The following ACSS1 variants were observed in gnomAD, a reference collection of about 807,000 sequenced individuals.
The protein encoded by ACSS1 is acyl-CoA synthetase short chain family member 1, also known as acetyl-coenzyme A synthetase 2-like, mitochondrial.
Under a neutral mutation model 75.3 loss-of-function variants are expected in ACSS1, and 42 were observed. That is an observed-to-expected ratio of 0.56 (90% CI 0.44 to 0.72). ACSS1 has a LOEUF of 0.72. Among genes scored for constraint, ACSS1 ranks in the 30% least tolerant of loss-of-function variants. The probability of loss-of-function intolerance (pLI) is 0.00; values close to 1 mark genes in which losing one functional copy is unlikely to be tolerated. For synonymous variants in ACSS1, 380 were observed against 376.8 expected, an observed-to-expected ratio of 1.01 and a Z score of -0.10; for missense variants, 782 against 935.7, an observed-to-expected ratio of 0.84 and a Z score of 2.14.
At chr20:25,025,598 C>T (rs1265265347) in intron 3 of ACSS1, among the ~76,000 whole-genome samples, 2 of 152,182 alleles carry the variant, frequency 1.3e-5, no homozygotes, top group East Asian at 1.9e-4. Flanking sequence ...GGGCTGGCTC[C>T]TATGTGGTGG....
At chr20:25,032,694 C>A in intron 2 of ACSS1, 1 of 1,184,184 alleles carries the variant, frequency 8.4e-7, no homozygotes, top group Non-Finnish European at 1.0e-6. Flanking sequence ...AAAGGGTAGT[C>A]AAGGAAAGGG....
intron 7 of ACSS1, among the ~76,000 whole-genome samples, chr20:25,018,509 C>T (rs1399333108): frequency 6.6e-6 from 1 of 152,134 alleles, no homozygotes; most frequent in Non-Finnish European, 1.5e-5. Context: ...GGGCACAGAG[C>T]CCATCAATCA....
chr20:25,007,701 T>C lies in ACSS1; in HGVS notation c.*61A>G, dbSNP rs886696206. 3.2e-6 allele frequency: 5 copies of C among 1,585,654 alleles called. No homozygotes were observed. The African/African-American group carries it at 6.7e-5, about 21-fold the overall frequency. On this transcript the variant is annotated 3_prime_UTR_variant, in exon 14 of 14. Coordinates refer to ENST00000323482, the MANE Select transcript of ACSS1 (RefSeq NM_032501.4). ...AGACGCCAACCTCAGGGGTACCTTC[T>C]GGGAAGGACAAGCCAGGGCTTGGGT...
Position 25,031,924 on chromosome 20 carries a change from A to G in ACSS1, c.432-966T>C, listed in dbSNP as rs557456443. ...TCGAGGGGCACCAAATAATGCTCTC[A>G]GGGAGCAGACCCCCAAGCCCAGATA... On this transcript the variant is annotated intron_variant, in intron 2 of 13. Transcript: ENST00000323482. 4.6e-5 allele frequency among the ~76,000 whole-genome samples: 7 copies of G among 152,366 alleles called. No individual in the cohort carries two copies. In the East Asian group the frequency reaches 1.4e-3, roughly 29 times the overall value.
Position 25,006,551 on chromosome 20 carries a change from T to C in ACSS1, c.*1211A>G, listed in dbSNP as rs1600299839. The stretch of plus-strand genomic sequence containing the variant: ...CCAGACACCCCCCGAACACTGGCAC[T>C]GCCACAAGGCCCTGAAGGGTAGACT... On this transcript the variant is annotated 3_prime_UTR_variant, in exon 14 of 14. Coordinates refer to ENST00000323482, the MANE Select transcript of ACSS1 (RefSeq NM_032501.4). The C allele has an allele frequency of 3.1e-6, 1 of 325,326 alleles. No individual in the cohort carries two copies. The highest frequency in any genetic ancestry group is 6.1e-5 in the East Asian group (1 of 16,362). The allele number at this position is 325,326 out of a possible 1,614,324, so 20.2% of individuals were successfully genotyped here. A position where few individuals can be genotyped will look rare whatever the true frequency, so the allele number is the denominator to read the frequency against.
chr20:25,030,704 G>C, intron 3 of ACSS1, 55 bp downstream of exon 3: 1 of 1,596,178 alleles, frequency 6.3e-7, no homozygotes, highest in Non-Finnish European at 8.5e-7. Context: ...CAGGCCCCCA[G>C]GAACAAGGAT....
rs779313367 is a variant in ACSS1 at position 25,057,855 on chromosome 20, C to A, written c.248G>T (p.Trp83Leu). 4 of 1,612,672 alleles carry A rather than the reference C, an allele frequency of 2.5e-6. No homozygotes were observed. The highest frequency in any genetic ancestry group is 2.2e-5 in the South Asian group (2 of 90,976). The change falls in exon 1 of 14, where the codon TGG becomes TTG. Residue 83 changes from tryptophan (W) to leucine (L), a missense_variant. Trp to Leu is a moderately conservative substitution (Grantham distance 61). Coordinates refer to ENST00000323482, the MANE Select transcript of ACSS1 (RefSeq NM_032501.4). ...CCAGACGGTGTGGTAGGGGGTGTCCCACACGAGAGTGTCCCGCGCCAGAGG... is the reference window on the plus strand; with the variant it reads ...CCAGACGGTGTGGTAGGGGGTGTCCAACACGAGAGTGTCCCGCGCCAGAGG... The part of the protein sequence containing the change: ...WGPLARDTLV[W>L]DTPYHTVWDC...
At chr20:25,021,165 A>G (rs1163907590) in intron 6 of ACSS1, among the ~76,000 whole-genome samples, 1 of 152,202 alleles carries the variant, frequency 6.6e-6, no homozygotes, top group Non-Finnish European at 1.5e-5. Flanking sequence ...AGGGGCCTTG[A>G]GATGTCCTCC....
In ACSS1 at chr20:25,014,029, C is replaced by A. The variant is rs1568829780; in HGVS notation, c.1384G>T (p.Ala462Ser). ...ATCGCCATGGCAGGGAGGATTTCCGCCCCTTCTTCCGAGGGCCGTGGTGCG... is the reference window on the plus strand; with the variant it reads ...ATCGCCATGGCAGGGAGGATTTCCGACCCTTCTTCCGAGGGCCGTGGTGCG... ...CIAPRPSEEG[A>S]EILPAMAMRP... Residue 462 changes from alanine to serine, a missense_variant, in exon 9 of 14, where the codon GCG becomes TCG. This residue lies in a region of ACSS1 where 405 missense variants were observed against 552.6 expected (regional missense o/e 0.73). Transcript: ENST00000323482. 2 of 1,613,534 alleles carry A rather than the reference C, an allele frequency of 1.2e-6. No homozygotes were observed. Among genetic ancestry groups the A allele is most frequent in the East Asian group, 2.2e-5 (1 of 44,864 alleles).
At chr20:25,038,382 A>G (rs2088949542) in intron 2 of ACSS1, among the ~76,000 whole-genome samples, 1 of 152,220 alleles carries the variant, frequency 6.6e-6, no homozygotes, top group African/African-American at 2.4e-5. Flanking sequence ...AGGACCCACT[A>G]CCAAGGTGGT....
intron 7 of ACSS1, 30 bp from the exon 8 acceptor site, chr20:25,015,260 A>G: frequency 6.4e-7 from 1 of 1,550,918 alleles, no homozygotes; most frequent in Non-Finnish European, 8.8e-7. Flanking sequence ...AAAAGATGTT[A>G]ACAGGCTGCA....
Position 25,015,350 on chromosome 20 carries a change from T to G in ACSS1, c.1247-120A>C, listed in dbSNP as rs112244560. 47 of 803,258 alleles carry G rather than the reference T, an allele frequency of 5.9e-5. 1 individual carries two copies. The African/African-American group carries it at 7.1e-4, about 12-fold the overall frequency. The allele number at this position is 803,258 out of a possible 1,614,324, so 49.8% of individuals were successfully genotyped here. The stretch of plus-strand genomic sequence containing the variant: ...CTTTGAGACTGAGTCTCACTCTGTC[T>G]CCCAGGATGATCTTGGCTCATTGCA... On this transcript the variant is annotated intron_variant, in intron 7 of 13. Coordinates refer to ENST00000323482, the MANE Select transcript of ACSS1 (RefSeq NM_032501.4).
chr20:25,050,027 G>A (rs2089154353), intron 1 of ACSS1, among the ~76,000 whole-genome samples: 1 of 152,066 alleles, frequency 6.6e-6, no homozygotes. Flanking sequence ...ATTCAGGCAG[G>A]CGACAGGAAC....
At position 25,007,150 on chromosome 20, in the gene ACSS1, C is replaced by G. The variant is rs963622908; in HGVS notation, c.*612G>C. The G allele has an allele frequency of 1.5e-6, 2 of 1,326,744 alleles. No individual in the cohort carries two copies. The highest frequency in any genetic ancestry group is 1.5e-5 in the African/African-American group (1 of 67,926). The allele number at this position is 1,326,744 out of a possible 1,614,324, so 82.2% of individuals were successfully genotyped here. ...CAAGGGAACTGTTTAGACAGAGGTA[C>G]AAACATCTCCAATTCAGACTTCCAA... On this transcript the variant is annotated 3_prime_UTR_variant, in exon 14 of 14. Coordinates refer to ENST00000323482, the MANE Select transcript of ACSS1 (RefSeq NM_032501.4).
At position 25,007,142 on chromosome 20, in the gene ACSS1, C is replaced by G; in HGVS notation, c.*620G>C. ...GAAGTTCTCAAGGGAACTGTTTAGA[C>G]AGAGGTACAAACATCTCCAATTCAG... is the stretch of plus-strand genomic sequence containing the variant. On this transcript the variant is annotated 3_prime_UTR_variant, in exon 14 of 14. Transcript: ENST00000323482. 1.5e-6 allele frequency: 2 copies of G among 1,364,778 alleles called. No homozygotes were observed. The highest frequency in any genetic ancestry group is 9.4e-7 in the Non-Finnish European group (1 of 1,059,866). 84.5% of individuals were successfully genotyped at this position (1,364,778 alleles called of 1,614,324 possible).
At position 25,022,970 on chromosome 20, in the gene ACSS1, G is replaced by A. The variant is rs1213640283; in HGVS notation, c.930C>T (p.Gly310=). Residue 310 remains glycine (G), a synonymous_variant, in exon 5 of 14, where the codon GGC becomes GGT. Coordinates refer to ENST00000323482, the MANE Select transcript of ACSS1 (RefSeq NM_032501.4). ...MPKGIVHTQA[G]YLLYAALTHK... is the part of the protein sequence containing the mutation. ...GAGTCAGGGCGGCATAGAGCAGGTA[G>A]CCTGCCTGGGTATGGACGATGCCCT... 1.9e-6 allele frequency: 3 copies of A among 1,613,824 alleles called. No homozygotes were observed. The highest frequency in any genetic ancestry group is 2.5e-6 in the Non-Finnish European group (3 of 1,180,000).
intron 3 of ACSS1, among the ~76,000 whole-genome samples, chr20:25,028,389 C>T (rs755559619): frequency 3.3e-4 from 50 of 152,114 alleles, no homozygotes; most frequent in Non-Finnish European, 1.0e-4. Flanking sequence ...CAGTTTGATA[C>T]TGAGATAATA....
At chr20:25,035,050 A>G (rs2088887760) in intron 2 of ACSS1, among the ~76,000 whole-genome samples, 1 of 151,724 alleles carries the variant, frequency 6.6e-6, no homozygotes, top group Non-Finnish European at 1.5e-5. Flanking sequence ...GCCCGCCACC[A>G]CGCCTGGCTA....
chr20:25,016,125 G>A (rs915200129), intron 7 of ACSS1, among the ~76,000 whole-genome samples: 24 of 152,144 alleles, frequency 1.6e-4, no homozygotes, highest in African/African-American at 3.6e-4. Context: ...GAACCTCCAC[G>A]ACCCACAGCG....
Sources: gnomAD v4.1 joint callset for allele counts (sites outside exome capture counted in the v4.1 genomes callset) on GRCh38, gnomAD v4.1.1 for gene constraint, gnomAD v4.1.1 regional missense constraint, MANE v1.5 for transcripts, NCBI Gene and HGNC (gene_info 2026-07-23, HGNC 2026-07-21) for gene names.